The following SLC2A13 variants were observed in gnomAD, a reference collection of about 807,000 sequenced individuals.
SLC2A13 encodes solute carrier family 2 member 13.
Under a neutral mutation model 64.4 loss-of-function variants are expected in SLC2A13, and 32 were observed. That is an observed-to-expected ratio of 0.50 (90% CI 0.37 to 0.67). SLC2A13 has a LOEUF of 0.67. SLC2A13 is among the 30% of genes least tolerant of loss of function. SLC2A13 has a pLI of 0.00. For synonymous variants in SLC2A13, 338 were observed against 327.1 expected (o/e 1.03, Z -0.36); for missense variants, 743 against 829.2 (o/e 0.90, Z 1.28).
intron 1 of SLC2A13, among the ~76,000 whole-genome samples, chr12:40,052,213 G>A (rs1948270803): frequency 6.6e-6 from 1 of 152,136 alleles, no homozygotes; most frequent in East Asian, 1.9e-4. Context: ...GTGAAATATA[G>A]AAGTAGATAG....
chr12:39,968,733 CTTTT>C (rs1946575116), intron 3 of SLC2A13, among the ~76,000 whole-genome samples: 1 of 45,460 alleles, frequency 2.2e-5, no homozygotes, highest in South Asian at 7.3e-4. Context: ...CCTGCCCTTT[CTTTT>C]TTATTTTTGT....
intron 4 of SLC2A13, among the ~76,000 whole-genome samples, chr12:39,881,011 AT>A (rs1944324564): frequency 6.6e-6 from 1 of 152,234 alleles, no homozygotes; most frequent in African/African-American, 2.4e-5. Context: ...AACAGGTTAC[AT>A]GTGATTGTTC....
chr12:39,990,431 C>A (rs1947114569), intron 3 of SLC2A13, among the ~76,000 whole-genome samples: 2 of 152,144 alleles, frequency 1.3e-5, no homozygotes, highest in Admixed American at 1.3e-4. Flanking sequence ...AGTGCATTCT[C>A]CTCTGAGTAA....
At chr12:39,839,306 T>C (rs931698125) in intron 6 of SLC2A13, among the ~76,000 whole-genome samples, 4 of 151,972 alleles carry the variant, frequency 2.6e-5, no homozygotes, top group Non-Finnish European at 5.9e-5. Context: ...TGCCAGAGCA[T>C]AGATGTCGGT....
At chr12:39,917,659 G>T (rs1037905713) in intron 4 of SLC2A13, among the ~76,000 whole-genome samples, 1 of 151,996 alleles carries the variant, frequency 6.6e-6, no homozygotes, top group Non-Finnish European at 1.5e-5. Flanking sequence ...CTGGGACTGG[G>T]ATTTACATCC....
At chr12:40,019,829 C>T (rs1947682990) in intron 3 of SLC2A13, among the ~76,000 whole-genome samples, 1 of 152,078 alleles carries the variant, frequency 6.6e-6, no homozygotes, top group Admixed American at 6.5e-5. Flanking sequence ...TACTGAAAAA[C>T]GTGAGACACT....
At chr12:39,769,328 A>G (rs902664835) in intron 7 of SLC2A13, among the ~76,000 whole-genome samples, 2 of 152,014 alleles carry the variant, frequency 1.3e-5, no homozygotes, top group African/African-American at 2.4e-5. Context: ...AGATTTATCA[A>G]TTTCAGTTGA....
At chr12:39,906,912 AT>A (rs1945299476) in intron 4 of SLC2A13, among the ~76,000 whole-genome samples, 1 of 152,176 alleles carries the variant, frequency 6.6e-6, no homozygotes, top group Non-Finnish European at 1.5e-5. Context: ...TGCAAGGTCC[AT>A]TAGGAAGCAA....
intron 2 of SLC2A13, among the ~76,000 whole-genome samples, chr12:40,039,877 G>A (rs893449140): frequency 1.3e-5 from 2 of 152,148 alleles, no homozygotes; most frequent in African/African-American, 2.4e-5. Context: ...TAGTTCATGG[G>A]TTTGGACAAA....
At chr12:39,846,504 T>C (rs1390772579) in intron 6 of SLC2A13, among the ~76,000 whole-genome samples, 1 of 152,184 alleles carries the variant, frequency 6.6e-6, no homozygotes, top group Admixed American at 6.5e-5. Flanking sequence ...CCAGGGTGGG[T>C]GCAGTGGTGC....
intron 3 of SLC2A13, among the ~76,000 whole-genome samples, chr12:39,984,610 G>T (rs1053466459): frequency 1.3e-5 from 2 of 152,048 alleles, no homozygotes; most frequent in African/African-American, 4.8e-5. Flanking sequence ...CTAATATCCA[G>T]TGAATATATT....
intron 1 of SLC2A13, among the ~76,000 whole-genome samples, chr12:40,098,589 G>GGAGTGAGT (rs887420569): frequency 1.3e-5 from 2 of 152,204 alleles, no homozygotes; most frequent in Admixed American, 6.5e-5. Flanking sequence ...GTTTCAGGGA[G>GGAGTGAGT]GAGTGAGTGA....
At position 39,952,651 on chromosome 12, in the gene SLC2A13, T is replaced by C. The variant is rs543264918; in HGVS notation, c.926-1286A>G. Among the ~76,000 whole-genome samples, 4 of 152,278 alleles carry C rather than the reference T, an allele frequency of 2.6e-5. No homozygotes were observed. In the South Asian group the frequency reaches 8.3e-4, roughly 32 times the overall value. The stretch of plus-strand genomic sequence containing the variant: ...TGTTTCTAAATGGCAAGAGAGGGAA[T>C]AGATTAATTTAGAGAAGCGTTGATG... On this transcript the variant is annotated intron_variant, in intron 3 of 9. Transcript: ENST00000280871.
intron 5 of SLC2A13, 114 bp downstream of exon 5, chr12:39,871,684 T>C (rs1944061248): frequency 2.7e-6 from 3 of 1,093,296 alleles, no homozygotes; most frequent in East Asian, 2.9e-5. Flanking sequence ...ATTTTTTTGT[T>C]GTTTGGCTGA....
At chr12:40,082,837 T>A (rs931976348) in intron 1 of SLC2A13, among the ~76,000 whole-genome samples, 1 of 152,134 alleles carries the variant, frequency 6.6e-6, no homozygotes, top group Non-Finnish European at 1.5e-5. Flanking sequence ...CCAAGCCTAT[T>A]TCACTCGCCC....
intron 1 of SLC2A13, among the ~76,000 whole-genome samples, chr12:40,061,756 C>T (rs2136253414): frequency 6.6e-6 from 1 of 150,998 alleles, no homozygotes; most frequent in East Asian, 1.9e-4. Flanking sequence ...AGATTTAATA[C>T]AGTTGACATC....
intron 4 of SLC2A13, among the ~76,000 whole-genome samples, chr12:39,894,671 G>C (rs1397413921): frequency 6.6e-6 from 1 of 152,044 alleles, no homozygotes; most frequent in Non-Finnish European, 1.5e-5. Context: ...TTTAGGTCAG[G>C]GCCAACAGCT....
chr12:39,927,809 C>T (rs546675490), intron 4 of SLC2A13, among the ~76,000 whole-genome samples: 2 of 152,208 alleles, frequency 1.3e-5, no homozygotes, highest in South Asian at 4.2e-4. Flanking sequence ...AAATACTACG[C>T]CAGAGATACA....
chr12:40,079,655 C>T (rs1938318861), intron 1 of SLC2A13, among the ~76,000 whole-genome samples: 1 of 152,140 alleles, frequency 6.6e-6, no homozygotes, highest in Admixed American at 6.5e-5. Context: ...TCCCTAGTAT[C>T]TGTTTCTTTC....
Sources: gnomAD v4.1 joint callset for allele counts (sites outside exome capture counted in the v4.1 genomes callset) on GRCh38, gnomAD v4.1.1 for gene constraint, MANE v1.5 for transcripts, NCBI Gene and HGNC (gene_info 2026-07-23, HGNC 2026-07-21) for gene names.